Variants in FBXO34 observed in about 807,000 individuals in gnomAD.
FBXO34 encodes the protein F-box only protein 34.
In FBXO34, 12 loss-of-function variants were observed where a neutral mutation model predicts 24.5. The ratio of observed to expected loss-of-function variants is 0.49; its 90% CI spans 0.31 to 0.79. The LOEUF (loss-of-function observed/expected upper bound fraction) is 0.79. Ranked by LOEUF, FBXO34 falls within the 30% of genes least tolerant of loss-of-function variation. The probability of loss-of-function intolerance (pLI) is 0.04; values close to 1 mark genes in which losing one functional copy is unlikely to be tolerated. For missense variants in FBXO34, 823 were observed against 857.7 expected, an observed-to-expected ratio of 0.96 and a Z score of 0.51; for synonymous variants, 320 against 311.9, an observed-to-expected ratio of 1.03 and a Z score of -0.27.
intron 1 of FBXO34, 77 bp from the exon 2 acceptor site, chr14:55,350,304 C>G (rs72717720): frequency 0.013 from 13,995 of 1,104,572 alleles, 246 homozygotes; most frequent in African/African-American, 0.067. Context: ...TAAGAACCAT[C>G]TGAGCTTAAA....
At position 55,350,604 on chromosome 14, in the gene FBXO34, A is replaced by G. The variant is rs201726930; in HGVS notation, c.214A>G (p.Ser72Gly). The change falls in exon 2 of 2, where the codon AGT becomes GGT. Residue 72 changes from serine (S) to glycine (G), a missense_variant. Physicochemically the swap from Ser to Gly is moderately conservative, Grantham distance 56. This residue lies in a region of FBXO34 where 693 missense variants were observed against 659.1 expected (regional missense o/e 1.05). Transcript: ENST00000313833. ...FGILSPNVLC[S>G]MSGKSPVESS... Reference sequence around the variant, plus strand: ...GATCCTTTCTCCAAATGTTCTGTGCAGTATGAGTGGGAAGAGTCCTGTAGA... The same window carrying G: ...GATCCTTTCTCCAAATGTTCTGTGCGGTATGAGTGGGAAGAGTCCTGTAGA... 2 of 1,612,760 alleles carry G rather than the reference A, an allele frequency of 1.2e-6. No homozygotes were observed. Among genetic ancestry groups the G allele is most frequent in the Non-Finnish European group, 1.7e-6 (2 of 1,179,584 alleles).
the FBXO34 span, chr14:55,436,416 A>G: frequency 4.1e-5 from 33 of 797,828 alleles, no homozygotes; most frequent in Non-Finnish European, 5.3e-5. Flanking sequence ...GTCTAAAGCC[A>G]CAATCCATTT....
the FBXO34 span, chr14:55,414,334 TG>T: frequency 7.1e-7 from 1 of 1,408,636 alleles, no homozygotes; most frequent in Non-Finnish European, 9.9e-7. Context: ...GCTGGGCTTA[TG>T]GACATATTCA....
chr14:55,337,873 C>T (rs980090100), intron 1 of FBXO34, among the ~76,000 whole-genome samples: 1 of 151,984 alleles, frequency 6.6e-6, no homozygotes, highest in Non-Finnish European at 1.5e-5. Context: ...CTGCCATGGG[C>T]CCTTCAGAAT....
the FBXO34 span, chr14:55,440,337 T>C: frequency 6.3e-7 from 1 of 1,598,454 alleles, no homozygotes. Flanking sequence ...GGCAAAGCCC[T>C]TGGCACAGGA....
the FBXO34 span, among the ~76,000 whole-genome samples, chr14:55,416,848 TTTAA>T: frequency 1.3e-5 from 2 of 152,352 alleles, no homozygotes; most frequent in African/African-American, 4.8e-5. Flanking sequence ...TCTTTTCATA[TTTAA>T]TTGAGGAACA....
the FBXO34 span, among the ~76,000 whole-genome samples, chr14:55,396,852 C>A: frequency 0.11 from 16,617 of 151,948 alleles, 2,537 homozygotes; most frequent in African/African-American, 0.34. Context: ...CATTCCCCCC[C>A]ACAAAAAAAA....
chr14:55,294,762 T>C (rs1882063833), intron 1 of FBXO34, among the ~76,000 whole-genome samples: 3 of 152,336 alleles, frequency 2.0e-5, no homozygotes, highest in Admixed American at 2.0e-4. Context: ...ATTCTGTTGG[T>C]GGAAAAGGAC....
At chr14:55,294,429 A>G (rs1882051416) in intron 1 of FBXO34, among the ~76,000 whole-genome samples, 1 of 152,136 alleles carries the variant, frequency 6.6e-6, no homozygotes, top group South Asian at 2.1e-4. Context: ...CTGGGAGTAC[A>G]TACGCACACC....
intron 1 of FBXO34, among the ~76,000 whole-genome samples, chr14:55,346,237 G>T (rs1234439910): frequency 6.6e-6 from 1 of 152,198 alleles, no homozygotes; most frequent in Non-Finnish European, 1.5e-5. Flanking sequence ...AAGCTGTCAG[G>T]TTGGCTGGAA....
chr14:55,406,064 T>C, the FBXO34 span, among the ~76,000 whole-genome samples: 1 of 152,182 alleles, frequency 6.6e-6, no homozygotes, highest in African/African-American at 2.4e-5. Context: ...TCTCAACTAA[T>C]CTGCCAAACT....
chr14:55,304,824 A>G (rs2139722902), intron 1 of FBXO34, among the ~76,000 whole-genome samples: 1 of 152,260 alleles, frequency 6.6e-6, no homozygotes, highest in Middle Eastern at 3.4e-3. Flanking sequence ...TATTGTAATA[A>G]TCTTTCTAGG....
At chr14:55,288,732 C>G (rs1881845306) in intron 1 of FBXO34, among the ~76,000 whole-genome samples, 1 of 152,022 alleles carries the variant, frequency 6.6e-6, no homozygotes. Context: ...TTGTTTTACT[C>G]CAAGAGTAAA....
At chr14:55,440,504 G>A in the FBXO34 span, 17 of 1,611,912 alleles carry the variant, frequency 1.1e-5, no homozygotes, top group Non-Finnish European at 1.4e-5. Context: ...AGCGCGGAGC[G>A]AGCAGCCTCG....
At chr14:55,281,431 GC>G (rs1285541617) in intron 1 of FBXO34, among the ~76,000 whole-genome samples, 1 of 151,838 alleles carries the variant, frequency 6.6e-6, no homozygotes, top group Admixed American at 6.6e-5. Flanking sequence ...TTCCATATTT[GC>G]CCCCTTCAAT....
intron 1 of FBXO34, among the ~76,000 whole-genome samples, chr14:55,328,437 A>G (rs1362489374): frequency 1.3e-5 from 2 of 152,336 alleles, no homozygotes; most frequent in Admixed American, 1.3e-4. Flanking sequence ...TGATCCCTAG[A>G]GATAGCTACT....
chr14:55,379,975 A>G, the FBXO34 span, among the ~76,000 whole-genome samples: 1 of 152,182 alleles, frequency 6.6e-6, no homozygotes, highest in East Asian at 1.9e-4. Context: ...AGGGCAGGGC[A>G]CAGTGGCTCA....
intron 1 of FBXO34, among the ~76,000 whole-genome samples, chr14:55,275,714 C>G (rs1481602085): frequency 6.8e-6 from 1 of 147,374 alleles, no homozygotes; most frequent in Non-Finnish European, 1.5e-5. Context: ...GTCCCAGCTA[C>G]TTGGGAGGCT....
intron 1 of FBXO34, among the ~76,000 whole-genome samples, chr14:55,302,180 G>A (rs1882378599): frequency 6.6e-6 from 1 of 152,156 alleles, no homozygotes; most frequent in African/African-American, 2.4e-5. Context: ...TCTTTTATGA[G>A]ACCTCAAAAC....
Sources: gnomAD v4.1 joint callset for allele counts (sites outside exome capture counted in the v4.1 genomes callset) on GRCh38, gnomAD v4.1.1 for gene constraint, gnomAD v4.1.1 regional missense constraint, MANE v1.5 for transcripts, NCBI Gene and HGNC (gene_info 2026-07-23, HGNC 2026-07-21) for gene names.